Variants in TRIM65 observed in about 807,000 individuals in gnomAD.
TRIM65 encodes E3 ubiquitin-protein ligase TRIM65.
A neutral mutation model predicts 36.1 loss-of-function variants in TRIM65; 46 were observed. That is an observed-to-expected ratio of 1.27 (90% CI 1.01 to 1.63). The LOEUF is 1.63. TRIM65 is among the 40% of genes most tolerant of loss of function. TRIM65 has a pLI of 0.00. For missense variants in TRIM65, 708 were observed against 696.6 expected (o/e 1.02, Z -0.18); for synonymous variants, 346 against 313.6 (o/e 1.10, Z -1.09).
At chr17:75,879,679 C>A (rs532386438), downstream of TRIM65, 1 of 150,466 alleles carries the variant, frequency 6.6e-6, no homozygotes, top group South Asian at 2.1e-4. Flanking sequence ...GAGTCCATGC[C>A]GATATAAATA....
chr17:75,891,773 CG>C, intron 5 of TRIM65, 39 bp downstream of exon 5: 1 of 1,584,428 alleles, frequency 6.3e-7, no homozygotes. Flanking sequence ...TCCTTGCACA[CG>C]CACACACAGG....
intron 4 of TRIM65, among the ~76,000 whole-genome samples, chr17:75,883,816 C>T (rs1272510777): frequency 2.0e-5 from 3 of 152,074 alleles, no homozygotes; most frequent in Admixed American, 6.6e-5. Flanking sequence ...CGTGAGCCAC[C>T]GCGCCTGGCT....
downstream of TRIM65, among the ~76,000 whole-genome samples, chr17:75,887,202 A>AT (rs1049380358): frequency 6.6e-6 from 1 of 150,740 alleles, no homozygotes; most frequent in Non-Finnish European, 1.5e-5. Context: ...AGAAAAAAAA[A>AT]GCAATGGCTC....
Position 75,896,805 on chromosome 17 carries a change from TTCCGC to T in TRIM65, c.128_132del (p.Cys43Ter). 2.0e-6 allele frequency: 3 copies of T among 1,512,232 alleles called. No individual in the cohort carries two copies. The highest frequency in any genetic ancestry group is 2.6e-6 in the Non-Finnish European group (3 of 1,133,082). The allele number at this position is 1,512,232 out of a possible 1,614,324, so 93.7% of individuals were successfully genotyped here. Reference sequence around the variant, plus strand: ...GGCTCCCGGCACTCGGGGCACGCCTTTCCGCAGCGGTCCCACCAGTCCCGGATGCA... The same window carrying T: ...GGCTCCCGGCACTCGGGGCACGCCTTAGCGGTCCCACCAGTCCCGGATGCA... On this transcript the variant is annotated frameshift_variant, in exon 1 of 6. Transcript: ENST00000269383. LOFTEE classifies it high-confidence loss of function.
intron 1 of TRIM65, among the ~76,000 whole-genome samples, chr17:75,893,522 G>A (rs1006368644): frequency 3.9e-5 from 6 of 152,048 alleles, no homozygotes; most frequent in African/African-American, 1.2e-4. Context: ...GACAAACCAC[G>A]CAGGTCCCAG....
chr17:75,894,310 G>A (rs1054411806), intron 1 of TRIM65, among the ~76,000 whole-genome samples: 11 of 152,228 alleles, frequency 7.2e-5, no homozygotes, highest in Admixed American at 2.6e-4. Context: ...CTCTGTCCCC[G>A]AATGATTCCA....
At chr17:75,895,495 A>T (rs1380234935) in intron 1 of TRIM65, among the ~76,000 whole-genome samples, 1 of 152,008 alleles carries the variant, frequency 6.6e-6, no homozygotes, top group Non-Finnish European at 1.5e-5. Flanking sequence ...TGGCCCACAG[A>T]TCTCAGTGGC....
downstream of TRIM65, among the ~76,000 whole-genome samples, chr17:75,888,340 A>G (rs1410257412): frequency 1.3e-5 from 2 of 149,608 alleles, no homozygotes; most frequent in Admixed American, 6.6e-5. Context: ...GCGACAGAGC[A>G]AGACTCTGTC....
At chr17:75,893,574 G>T (rs1013835871) in intron 1 of TRIM65, among the ~76,000 whole-genome samples, 1 of 152,100 alleles carries the variant, frequency 6.6e-6, no homozygotes, top group African/African-American at 2.4e-5. Context: ...TCACCACCTT[G>T]TTTCTGCTCC....
chr17:75,891,293 G>C lies in TRIM65; in HGVS notation c.1040C>G (p.Ser347Trp). Reference protein sequence around the residue: ...PVSANRHFYLSRQDQQVKHCR... With the variant: ...PVSANRHFYLWRQDQQVKHCR... The stretch of plus-strand genomic sequence containing the variant: ...GTGCTTCACCTGCTGGTCCTGGCGC[G>C]ACAGATAGAAGTGACGGTTGGCGCT... The change falls in exon 6 of 6, where the codon TCG (serine) becomes TGG (tryptophan). Residue 347 changes from serine to tryptophan, a missense_variant. Physicochemically the swap from Ser to Trp is radical, Grantham distance 177. Transcript: ENST00000269383. 9.3e-6 allele frequency: 15 copies of C among 1,613,226 alleles called. No individual in the cohort carries two copies. The highest frequency in any genetic ancestry group is 1.3e-5 in the African/African-American group (1 of 75,052).
intron 4 of TRIM65, among the ~76,000 whole-genome samples, chr17:75,883,518 C>G (rs1310001679): frequency 7.1e-6 from 1 of 141,676 alleles, no homozygotes; most frequent in African/African-American, 2.6e-5. Context: ...CTCACTGTCT[C>G]TGAACAAGTT....
intron 1 of TRIM65, among the ~76,000 whole-genome samples, chr17:75,895,229 G>A (rs1022309453): frequency 6.6e-6 from 1 of 152,014 alleles, no homozygotes; most frequent in African/African-American, 2.4e-5. Context: ...TCCCCTCAGC[G>A]TTTCTCATCT....
rs1314905766 is a variant in TRIM65 at position 75,892,400 on chromosome 17, A to G, written c.611T>C (p.Val204Ala). 3.1e-6 allele frequency: 5 copies of G among 1,613,768 alleles called. No individual in the cohort carries two copies. The highest frequency in any genetic ancestry group is 4.2e-6 in the Non-Finnish European group (5 of 1,179,986). Reference protein sequence around the residue: ...QHTTALRSIEVAKTQALAQAR... With the variant: ...QHTTALRSIEAAKTQALAQAR... Reference sequence around the variant, plus strand: ...CTGTGCCAGCGCCTGCGTCTTGGCCACCTCGATGCTCCTCAGTGCTGTCGT... The same window carrying G: ...CTGTGCCAGCGCCTGCGTCTTGGCCGCCTCGATGCTCCTCAGTGCTGTCGT... Residue 204 changes from valine (V) to alanine (A), a missense_variant, in exon 3 of 6, where the codon GTG becomes GCG. Transcript: ENST00000269383.
In TRIM65 at chr17:75,896,922, G is replaced by A. The variant is rs772900524; in HGVS notation, c.16C>T (p.Leu6=). 16 of 1,502,732 alleles carry A rather than the reference G, an allele frequency of 1.1e-5. No homozygotes were observed. Among genetic ancestry groups the A allele is most frequent in the Non-Finnish European group, 3.5e-6 (4 of 1,130,706 alleles). 93.1% of individuals were successfully genotyped at this position (1,502,732 alleles called of 1,614,324 possible). A position where few individuals can be genotyped will look rare whatever the true frequency, so the allele number is the denominator to read the frequency against. ...ATGGCGCAGGTCAGCTTCTCCTCCA[G>A]CAGCTGCGCGGCCATGGCCCGGCGG... is the stretch of plus-strand genomic sequence containing the variant. MAAQL[L]EEKLTCAICL... is the part of the protein sequence containing the mutation. Residue 6 remains leucine (L), a synonymous_variant, in exon 1 of 6, where the codon CTG becomes TTG. Transcript: ENST00000269383.
downstream of TRIM65, among the ~76,000 whole-genome samples, chr17:75,884,988 G>T (rs1371072729): frequency 6.7e-6 from 1 of 148,602 alleles, no homozygotes; most frequent in Admixed American, 6.8e-5. Flanking sequence ...CCAGGCGGGA[G>T]TGCAGTGGTG....
chr17:75,891,613 C>T (rs547437709), intron 5 of TRIM65, among the ~76,000 whole-genome samples, 200 bp downstream of exon 5: 5 of 152,328 alleles, frequency 3.3e-5, no homozygotes, highest in Non-Finnish European at 7.4e-5. Context: ...ACACTGGCTG[C>T]GTCTGCTTCA....
At chr17:75,887,774 C>A (rs1451861003), downstream of TRIM65, among the ~76,000 whole-genome samples, 1 of 152,214 alleles carries the variant, frequency 6.6e-6, no homozygotes, top group African/African-American at 2.4e-5. Flanking sequence ...GTAATCCCAG[C>A]ACTTTGGGAG....
chr17:75,880,925 A>C (rs1399913375), intron 4 of TRIM65, among the ~76,000 whole-genome samples: 5 of 150,400 alleles, frequency 3.3e-5, no homozygotes, highest in Admixed American at 6.6e-5. Flanking sequence ...ATGAGTTCAG[A>C]GCTAAAGAGG....
chr17:75,880,279 C>G (rs2065161247), downstream of TRIM65: 1 of 149,712 alleles, frequency 6.7e-6, no homozygotes. Context: ...AAGATGCGCT[C>G]TAATATCAGT....
Sources: gnomAD v4.1 joint callset for allele counts (sites outside exome capture counted in the v4.1 genomes callset) on GRCh38, gnomAD v4.1.1 for gene constraint, MANE v1.5 for transcripts, NCBI Gene and HGNC (gene_info 2026-07-23, HGNC 2026-07-21) for gene names.